The following UTRN variants were observed in gnomAD, a reference collection of about 807,000 sequenced individuals.
The protein encoded by UTRN is utrophin.
UTRN carries 283 observed loss-of-function variants against 463.9 expected under a neutral mutation model. The ratio of observed to expected loss-of-function variants is 0.61; its 90% CI spans 0.55 to 0.67. The LOEUF (loss-of-function observed/expected upper bound fraction) is 0.67. Ranked by LOEUF, UTRN falls within the 30% of genes least tolerant of loss-of-function variation. The pLI, the probability that UTRN is intolerant of heterozygous loss-of-function variation, is 0.00. For missense variants in UTRN, 3,922 were observed against 4,084.3 expected (o/e 0.96, Z 1.08); for synonymous variants, 1,442 against 1,431.5 (o/e 1.01, Z -0.17).
At chr6:144,836,720 C>A in intron 71 of UTRN, 179 bp downstream of exon 71, 1 of 964,624 alleles carries the variant, frequency 1.0e-6, no homozygotes, top group Non-Finnish European at 1.5e-6. Flanking sequence ...TCCTCATTGG[C>A]ACACAAAAAT....
chr6:144,553,756 C>T (rs1264185085), intron 48 of UTRN, among the ~76,000 whole-genome samples: 1 of 151,790 alleles, frequency 6.6e-6, no homozygotes, highest in African/African-American at 2.4e-5. Context: ...ACTAAAAATA[C>T]AAAAGTAGCC....
chr6:144,776,085 C>G (rs1775296478), intron 60 of UTRN, among the ~76,000 whole-genome samples: 1 of 152,188 alleles, frequency 6.6e-6, no homozygotes, highest in Non-Finnish European at 1.5e-5. Context: ...CAGCCAAGGC[C>G]TCTGGGCCAC....
At chr6:144,441,147 T>C (rs1787116708) in intron 13 of UTRN, among the ~76,000 whole-genome samples, 1 of 152,172 alleles carries the variant, frequency 6.6e-6, no homozygotes, top group African/African-American at 2.4e-5. Context: ...TCCTCACATT[T>C]CACAACCAAT....
chr6:144,795,484 A>T (rs1450990714), intron 63 of UTRN, among the ~76,000 whole-genome samples: 1 of 152,164 alleles, frequency 6.6e-6, no homozygotes, highest in African/African-American at 2.4e-5. Context: ...TTACACTCCC[A>T]CCAACAGTGT....
chr6:144,690,808 G>A lies in UTRN; in HGVS notation c.7653-9279G>A, dbSNP rs530082981. Among the ~76,000 whole-genome samples the A allele has an allele frequency of 8.5e-5, 13 of 152,244 alleles. No homozygotes were observed. In the South Asian group the frequency reaches 2.3e-3, roughly 27 times the overall value. Reference sequence around the variant, plus strand: ...CCTTTTCCCTGACCTGGATTGCCAGGTTCCCCGGTGGGTGTGTATGTGCTG... The same window carrying A: ...CCTTTTCCCTGACCTGGATTGCCAGATTCCCCGGTGGGTGTGTATGTGCTG... On this transcript the variant is annotated intron_variant, in intron 52 of 74. Coordinates refer to ENST00000367545, the MANE Select transcript of UTRN (RefSeq NM_007124.3).
At chr6:144,341,480 T>C (rs913155011) in intron 2 of UTRN, among the ~76,000 whole-genome samples, 1 of 152,222 alleles carries the variant, frequency 6.6e-6, no homozygotes, top group Admixed American at 6.5e-5. Flanking sequence ...GTTGATTTGT[T>C]TGAATAATTA....
intron 34 of UTRN, among the ~76,000 whole-genome samples, chr6:144,510,442 A>G (rs1157227643): frequency 6.6e-6 from 1 of 152,186 alleles, no homozygotes; most frequent in Non-Finnish European, 1.5e-5. Context: ...TCAGTATATT[A>G]TATGTGAAAT....
chr6:144,655,191 C>T (rs1779203994), intron 51 of UTRN, among the ~76,000 whole-genome samples: 1 of 152,208 alleles, frequency 6.6e-6, no homozygotes, highest in South Asian at 2.1e-4. Flanking sequence ...GGACTCAGGC[C>T]TCCATCCTTA....
rs976872963 is a variant in UTRN at position 144,291,838 on chromosome 6, T to G, written c.10T>G (p.Tyr4Asp). MAK[Y>D]GEHEASPDNG... ...TTGAAACTCTGGCAAGATGGCCAAG[T>G]ATGGAGAACATGAAGCCAGTCCTGA... The change falls in exon 2 of 75, where the codon TAT (tyrosine) becomes GAT (aspartate). Residue 4 changes from tyrosine to aspartate, a missense_variant. Transcript: ENST00000367545. 1.9e-6 allele frequency: 3 copies of G among 1,613,038 alleles called. No individual in the cohort carries two copies. Among genetic ancestry groups the G allele is most frequent in the Non-Finnish European group, 2.5e-6 (3 of 1,179,520 alleles).
chr6:144,413,453 T>C (rs1784093476), intron 3 of UTRN, among the ~76,000 whole-genome samples: 1 of 149,128 alleles, frequency 6.7e-6, no homozygotes, highest in Non-Finnish European at 1.5e-5. Context: ...TTGCATGGCG[T>C]CAGGCAAGAG....
Position 144,516,232 on chromosome 6 carries a change from C to G in UTRN, c.5248C>G (p.Leu1750Val). 4 of 1,611,122 alleles carry G rather than the reference C, an allele frequency of 2.5e-6. No individual in the cohort carries two copies. Among genetic ancestry groups the G allele is most frequent in the Non-Finnish European group, 3.4e-6 (4 of 1,179,392 alleles). The change falls in exon 38 of 75, where the codon CTA (leucine) becomes GTA (valine). Residue 1750 changes from leucine to valine, a missense_variant. By Grantham distance (32) the Leu-to-Val change is conservative. Transcript: ENST00000367545. ...VSQHIKSAKL[L>V]IAQEPLYQCL... Reference sequence around the variant, plus strand: ...GAGAATTCTTTTCCTTCTACAGTTGCTAATTGCTCAGGAACCATTATACCA... The same window carrying G: ...GAGAATTCTTTTCCTTCTACAGTTGGTAATTGCTCAGGAACCATTATACCA...
Position 144,722,768 on chromosome 6 carries a change from A to G in UTRN, c.7810-7589A>G, listed in dbSNP as rs149500986. ...GTACCATATTGGAGAGCAATTAGAG[A>G]CGACATAGGGAGAAACTGAGGTACC... On this transcript the variant is annotated intron_variant, in intron 53 of 74. Transcript: ENST00000367545. 5.2e-3 allele frequency among the ~76,000 whole-genome samples: 784 copies of G among 152,220 alleles called. 2 individuals are homozygous for G. The highest frequency in any genetic ancestry group is 9.2e-3 in the Non-Finnish European group (629 of 68,018).
At chr6:144,655,178 A>G (rs928037236) in intron 51 of UTRN, among the ~76,000 whole-genome samples, 1 of 152,228 alleles carries the variant, frequency 6.6e-6, no homozygotes, top group Non-Finnish European at 1.5e-5. Flanking sequence ...CCCTTTCATC[A>G]GGGGACTCAG....
chr6:144,737,433 C>T (rs2128717863), intron 54 of UTRN, among the ~76,000 whole-genome samples: 1 of 152,242 alleles, frequency 6.6e-6, no homozygotes, highest in Admixed American at 6.5e-5. Context: ...ACGAGGTAGT[C>T]TTTGGGACTT....
intron 2 of UTRN, among the ~76,000 whole-genome samples, chr6:144,368,290 A>G (rs2114704448): frequency 6.6e-6 from 1 of 152,334 alleles, no homozygotes; most frequent in East Asian, 1.9e-4. Flanking sequence ...ACTGTGACAT[A>G]TATCAAACCA....
chr6:144,653,218 C>T (rs536508073), intron 51 of UTRN, among the ~76,000 whole-genome samples: 1 of 152,206 alleles, frequency 6.6e-6, no homozygotes, highest in African/African-American at 2.4e-5. Context: ...ACATATCACT[C>T]CCCCCCTTTT....
chr6:144,478,505 GATTGTGAGTGTTGCTGGC>G (rs1791486876), intron 25 of UTRN, among the ~76,000 whole-genome samples: 1 of 152,230 alleles, frequency 6.6e-6, no homozygotes, highest in Admixed American at 6.5e-5. Flanking sequence ...TTGGGAATGG[GATTGTGAGTGTTGCTGGC>G]ATCAGCTCCT....
intron 23 of UTRN, among the ~76,000 whole-genome samples, chr6:144,470,475 G>C (rs578125141): frequency 1.2e-4 from 18 of 151,044 alleles, no homozygotes; most frequent in African/African-American, 3.9e-4. Context: ...ATAGGGCGGC[G>C]GGGCAGAGAC....
At chr6:144,686,728 G>A (rs79119298) in intron 52 of UTRN, among the ~76,000 whole-genome samples, 1,651 of 151,696 alleles carry the variant, frequency 0.011, 35 homozygotes, top group African/African-American at 0.037. Flanking sequence ...GTTCACTTTT[G>A]GTTGCCATTC....
Sources: gnomAD v4.1 joint callset for allele counts (sites outside exome capture counted in the v4.1 genomes callset) on GRCh38, gnomAD v4.1.1 for gene constraint, MANE v1.5 for transcripts, NCBI Gene and HGNC (gene_info 2026-07-23, HGNC 2026-07-21) for gene names.